The following CDH9 variants were observed in gnomAD, a reference collection of about 807,000 sequenced individuals.
The protein encoded by CDH9 is cadherin 9.
CDH9 carries 28 observed loss-of-function variants against 70.9 expected under a neutral mutation model. The observed-to-expected ratio is 0.40, with a 90% CI of 0.29 to 0.54. The LOEUF (loss-of-function observed/expected upper bound fraction) is 0.54. CDH9 is among the 20% of genes least tolerant of loss of function. CDH9 has a pLI of 0.59. For missense variants in CDH9, 874 were observed against 984.4 expected, an observed-to-expected ratio of 0.89 and a Z score of 1.50; for synonymous variants, 409 against 343.1, an observed-to-expected ratio of 1.19 and a Z score of -2.12.
At chr5:26,952,809 T>C (rs1239517308) in intron 2 of CDH9, among the ~76,000 whole-genome samples, 2 of 145,682 alleles carry the variant, frequency 1.4e-5, no homozygotes, top group African/African-American at 2.6e-5. Context: ...GGAGGCTTTA[T>C]AAGAAAAGGA....
chr5:26,982,896 A>G (rs1028917419), intron 2 of CDH9, among the ~76,000 whole-genome samples: 1 of 151,814 alleles, frequency 6.6e-6, no homozygotes, highest in African/African-American at 2.4e-5. Context: ...CATCTTGGCA[A>G]GGCTGGTCTC....
At chr5:26,994,562 T>G (rs1175323546) in intron 1 of CDH9, among the ~76,000 whole-genome samples, 1 of 151,950 alleles carries the variant, frequency 6.6e-6, no homozygotes, top group East Asian at 1.9e-4. Context: ...TTTGTTTGTT[T>G]GTTTTGTTTT....
chr5:26,884,437 G>T (rs191768916), intron 11 of CDH9, among the ~76,000 whole-genome samples: 1 of 152,204 alleles, frequency 6.6e-6, no homozygotes, highest in African/African-American at 2.4e-5. Context: ...GTAGCACTTA[G>T]CTAAAAGGCT....
chr5:26,940,853 C>T (rs989982879), intron 2 of CDH9, among the ~76,000 whole-genome samples: 1 of 152,178 alleles, frequency 6.6e-6, no homozygotes, highest in African/African-American at 2.4e-5. Context: ...AAACCAAGGG[C>T]ACCTTGCTTG....
rs375068984 is a variant in CDH9 at position 26,912,084 on chromosome 5, A to G, written c.523+3546T>C. Among the ~76,000 whole-genome samples, 15 of 152,196 alleles carry G rather than the reference A, an allele frequency of 9.9e-5. 1 individual carries two copies. The East Asian group carries it at 1.5e-3, about 16-fold the overall frequency. ...TAATAGAGAAATCTTATCTTATTCC[A>G]TAAGACTCTATTTCTTCACAAAGCT... On this transcript the variant is annotated intron_variant, in intron 3 of 11. Transcript: ENST00000231021.
chr5:27,028,532 A>G (rs1198272186), intron 1 of CDH9, among the ~76,000 whole-genome samples: 2 of 152,004 alleles, frequency 1.3e-5, no homozygotes, highest in African/African-American at 2.4e-5. Flanking sequence ...ATAACAGAAA[A>G]TCATATGAAA....
chr5:26,921,392 C>T (rs963709985), intron 2 of CDH9, among the ~76,000 whole-genome samples: 1 of 152,096 alleles, frequency 6.6e-6, no homozygotes, highest in Non-Finnish European at 1.5e-5. Context: ...CCTGGGGTGA[C>T]AGGAATAAGC....
At chr5:26,900,071 C>T (rs1045266479) in intron 7 of CDH9, among the ~76,000 whole-genome samples, 2 of 151,860 alleles carry the variant, frequency 1.3e-5, no homozygotes. Context: ...TATGTTAATA[C>T]ATTTGACAAC....
At chr5:27,021,094 A>C (rs1743130493) in intron 1 of CDH9, among the ~76,000 whole-genome samples, 1 of 151,814 alleles carries the variant, frequency 6.6e-6, no homozygotes, top group Admixed American at 6.6e-5. Context: ...ATTGACTCAA[A>C]TATTATAAAA....
At chr5:26,982,128 T>G (rs1412883402) in intron 2 of CDH9, among the ~76,000 whole-genome samples, 2 of 109,738 alleles carry the variant, frequency 1.8e-5, no homozygotes, top group African/African-American at 6.9e-5. Flanking sequence ...CCTCCCACCC[T>G]TCCTCCCTTC....
At chr5:26,968,007 G>A (rs1199972528) in intron 2 of CDH9, among the ~76,000 whole-genome samples, 1 of 151,940 alleles carries the variant, frequency 6.6e-6, no homozygotes, top group African/African-American at 2.4e-5. Context: ...GCCACTGTAT[G>A]TACCTACTTT....
At chr5:26,955,501 A>G (rs1275529922) in intron 2 of CDH9, among the ~76,000 whole-genome samples, 2 of 152,026 alleles carry the variant, frequency 1.3e-5, no homozygotes, top group African/African-American at 2.4e-5. Flanking sequence ...TCGTAGCCCC[A>G]TTCTAAAACC....
intron 2 of CDH9, among the ~76,000 whole-genome samples, chr5:26,928,657 G>A (rs566291302): frequency 2.6e-5 from 4 of 151,996 alleles, no homozygotes. Flanking sequence ...TAGACCAATC[G>A]AACAGAATAG....
At chr5:26,949,650 T>C (rs1252996247) in intron 2 of CDH9, among the ~76,000 whole-genome samples, 1 of 152,208 alleles carries the variant, frequency 6.6e-6, no homozygotes, top group East Asian at 1.9e-4. Context: ...GCCCCATTTT[T>C]CTAAATATTC....
chr5:26,886,865 G>C (rs1384893597), intron 9 of CDH9, among the ~76,000 whole-genome samples: 1 of 152,098 alleles, frequency 6.6e-6, no homozygotes, highest in Non-Finnish European at 1.5e-5. Context: ...AAAGCACTGA[G>C]CTACACATTG....
intron 2 of CDH9, among the ~76,000 whole-genome samples, chr5:26,982,768 C>T (rs918394802): frequency 4.6e-5 from 7 of 151,864 alleles, no homozygotes; most frequent in Admixed American, 3.3e-4. Context: ...CTGCAACCTC[C>T]GCCTCCTGGG....
intron 9 of CDH9, among the ~76,000 whole-genome samples, chr5:26,887,539 G>A (rs1172092417): frequency 6.6e-6 from 1 of 151,444 alleles, no homozygotes; most frequent in African/African-American, 2.4e-5. Flanking sequence ...TAACACACAT[G>A]AATCAGTAAA....
intron 1 of CDH9, among the ~76,000 whole-genome samples, chr5:27,015,657 A>T (rs1743035015): frequency 6.6e-6 from 1 of 151,754 alleles, no homozygotes; most frequent in Admixed American, 6.6e-5. Flanking sequence ...ATGCTTTCTT[A>T]AATATTAATA....
intron 1 of CDH9, among the ~76,000 whole-genome samples, chr5:27,001,940 A>G (rs978716317): frequency 6.6e-6 from 1 of 151,884 alleles, no homozygotes; most frequent in Admixed American, 6.6e-5. Flanking sequence ...ATTCACAGTG[A>G]CCAAAGTTGG....
Sources: gnomAD v4.1 joint callset for allele counts (sites outside exome capture counted in the v4.1 genomes callset) on GRCh38, gnomAD v4.1.1 for gene constraint, MANE v1.5 for transcripts, NCBI Gene and HGNC (gene_info 2026-07-23, HGNC 2026-07-21) for gene names.